CCDC3: variants seen among roughly 807,000 people sequenced by gnomAD.
CCDC3 encodes the protein coiled-coil domain containing 3.
A neutral mutation model predicts 21.4 loss-of-function variants in CCDC3; 24 were observed. That is an observed-to-expected ratio of 1.12 (90% CI 0.81 to 1.58). The LOEUF (loss-of-function observed/expected upper bound fraction) is 1.58. CCDC3 is among the 40% of genes most tolerant of loss of function. The pLI, the probability that CCDC3 is intolerant of heterozygous loss-of-function variation, is 0.00. For synonymous variants in CCDC3, 186 were observed against 166.0 expected (o/e 1.12, Z -0.93); for missense variants, 425 against 360.9 (o/e 1.18, Z -1.44).
intron 3 of CCDC3, among the ~76,000 whole-genome samples, chr10:13,076,687 T>G (rs896931009): frequency 6.6e-6 from 1 of 152,220 alleles, no homozygotes; most frequent in Admixed American, 6.5e-5. Context: ...CTGGACATGC[T>G]CACAGACATG....
chr10:13,008,084 T>TCAGGCTCC (rs560166486), intron 5 of CCDC3, among the ~76,000 whole-genome samples: 117 of 152,228 alleles, frequency 7.7e-4, no homozygotes, highest in African/African-American at 2.7e-3. Flanking sequence ...TCATGTGGTC[T>TCAGGCTCC]CAGGCTCCAA....
At chr10:12,966,536 T>TGGCC in intron 2 of CCDC3, among the ~76,000 whole-genome samples, 1 of 152,310 alleles carries the variant, frequency 6.6e-6, no homozygotes, top group Admixed American at 6.5e-5. Context: ...GGGAGCCAGC[T>TGGCC]GGCCACAGGG....
intron 2 of CCDC3, among the ~76,000 whole-genome samples, chr10:12,922,884 A>G (rs571403602): frequency 2.0e-4 from 31 of 152,294 alleles, no homozygotes; most frequent in Non-Finnish European, 4.1e-4. Flanking sequence ...CTAGAAGAGG[A>G]GCCCGGAGCC....
chr10:12,957,372 C>A (rs761324483), intron 2 of CCDC3, among the ~76,000 whole-genome samples: 1 of 152,182 alleles, frequency 6.6e-6, no homozygotes, highest in Non-Finnish European at 1.5e-5. Flanking sequence ...CTTTACCAAC[C>A]GTAACTCGTG....
intron 2 of CCDC3, among the ~76,000 whole-genome samples, chr10:12,916,235 C>T (rs112381059): frequency 6.6e-5 from 10 of 152,210 alleles, no homozygotes; most frequent in East Asian, 3.9e-4. Flanking sequence ...CGATTGAGAC[C>T]AGCCTGGCCA....
At chr10:13,017,192 T>C (rs1836075219) in intron 5 of CCDC3, among the ~76,000 whole-genome samples, 1 of 151,982 alleles carries the variant, frequency 6.6e-6, no homozygotes, top group African/African-American at 2.4e-5. Context: ...ACGAGCTGAT[T>C]TTTCATGTAA....
intron 5 of CCDC3, among the ~76,000 whole-genome samples, chr10:13,027,707 A>G (rs973976555): frequency 9.2e-6 from 1 of 108,332 alleles, no homozygotes; most frequent in Non-Finnish European, 2.0e-5. Flanking sequence ...TGAGACTCCA[A>G]TTCAAAAAAA....
upstream of CCDC3, among the ~76,000 whole-genome samples, chr10:13,002,881 C>G (rs926911382): frequency 2.0e-5 from 3 of 152,210 alleles, no homozygotes; most frequent in Non-Finnish European, 2.9e-5. Flanking sequence ...TCACTGTGTC[C>G]TCACGTGGCC....
chr10:13,025,499 G>T (rs1836202996), intron 5 of CCDC3, among the ~76,000 whole-genome samples: 1 of 152,174 alleles, frequency 6.6e-6, no homozygotes, highest in African/African-American at 2.4e-5. Flanking sequence ...CCTTCATTTG[G>T]TTGAACAAAT....
chr10:13,033,217 C>T (rs535060546), intron 5 of CCDC3, among the ~76,000 whole-genome samples: 67 of 152,208 alleles, frequency 4.4e-4, no homozygotes, highest in African/African-American at 1.4e-3. Context: ...CTTTGACAAA[C>T]CTGACAAAAA....
intron 2 of CCDC3, among the ~76,000 whole-genome samples, chr10:12,980,862 A>T (rs1046192873): frequency 6.6e-5 from 10 of 151,934 alleles, no homozygotes; most frequent in African/African-American, 2.4e-4. Context: ...CAGAACTCAG[A>T]ATCTTCTATC....
chr10:12,916,302 C>A (rs1365434417), intron 2 of CCDC3, among the ~76,000 whole-genome samples: 1 of 151,950 alleles, frequency 6.6e-6, no homozygotes, highest in African/African-American at 2.4e-5. Flanking sequence ...CATGGTGGTG[C>A]ATGCCTGTAA....
At chr10:12,924,778 G>C (rs1199852388) in intron 2 of CCDC3, 2 of 152,274 alleles carry the variant, frequency 1.3e-5, no homozygotes, top group African/African-American at 4.8e-5. Context: ...AGGGTGCTAC[G>C]GCCGTAAGTG....
chr10:13,074,707 C>T (rs1836939203), intron 3 of CCDC3, among the ~76,000 whole-genome samples: 1 of 152,098 alleles, frequency 6.6e-6, no homozygotes, highest in Non-Finnish European at 1.5e-5. Context: ...CGCGTGCACA[C>T]ACATACACAC....
intron 5 of CCDC3, among the ~76,000 whole-genome samples, chr10:13,009,397 T>C (rs1564318627): frequency 6.6e-6 from 1 of 152,306 alleles, no homozygotes; most frequent in East Asian, 1.9e-4. Flanking sequence ...AGTGGACTTT[T>C]TGATAAAAAT....
At chr10:13,067,939 T>G (rs956172249) in intron 4 of CCDC3, among the ~76,000 whole-genome samples, 10 of 152,198 alleles carry the variant, frequency 6.6e-5, no homozygotes, top group African/African-American at 2.2e-4. Flanking sequence ...TTTGTTTGTT[T>G]TCTTGGATCT....
At chr10:12,995,242 CTT>C (rs1835743492) in intron 2 of CCDC3, among the ~76,000 whole-genome samples, 1 of 151,996 alleles carries the variant, frequency 6.6e-6, no homozygotes, top group Non-Finnish European at 1.5e-5. Flanking sequence ...GCTAATTTTT[CTT>C]GTTTTGCTTT....
intron 2 of CCDC3, among the ~76,000 whole-genome samples, chr10:12,921,731 GCCGGTTT>G (rs1834454132): frequency 6.6e-6 from 1 of 151,242 alleles, no homozygotes; most frequent in African/African-American, 2.4e-5. Flanking sequence ...AGTTATCGTA[GCCGGTTT>G]CTGTTTTTTG....
intron 2 of CCDC3, among the ~76,000 whole-genome samples, chr10:12,938,882 G>A (rs1834778335): frequency 6.6e-6 from 1 of 152,134 alleles, no homozygotes; most frequent in East Asian, 1.9e-4. Flanking sequence ...AATGAATCAA[G>A]GATCCATAAC....
Sources: gnomAD v4.1 joint callset for allele counts (sites outside exome capture counted in the v4.1 genomes callset) on GRCh38, gnomAD v4.1.1 for gene constraint, MANE v1.5 for transcripts, NCBI Gene and HGNC (gene_info 2026-07-23, HGNC 2026-07-21) for gene names.